The following DPYD variants were observed in gnomAD, a reference collection of about 807,000 sequenced individuals.
The protein encoded by DPYD is dihydropyrimidine dehydrogenase.
A neutral mutation model predicts 116.2 loss-of-function variants in DPYD; 109 were observed. That is an observed-to-expected ratio of 0.94 (90% CI 0.80 to 1.10). The LOEUF is 1.10. Ranked by LOEUF, DPYD falls within the 50% of genes least tolerant of loss-of-function variation. The probability of loss-of-function intolerance (pLI) is 0.00; values close to 1 mark genes in which losing one functional copy is unlikely to be tolerated. For synonymous variants in DPYD, 440 were observed against 432.0 expected (o/e 1.02, Z -0.23); for missense variants, 1,302 against 1,254.5 (o/e 1.04, Z -0.57).
chr1:97,515,863 C>A lies in DPYD; in HGVS notation c.1603G>T (p.Val535Leu). Residue 535 changes from valine (V) to leucine (L), a missense_variant, in exon 13 of 23, where the codon GTA becomes TTA. Coordinates refer to ENST00000370192, the MANE Select transcript of DPYD (RefSeq NM_000110.4). ...ATAAACTTCAATCCGGCCATTTCTA[C>A]ACTAATGTCCACCAGATCAATAGGA... ...YTPIDLVDIS[V>L]EMAGLKFINP... The A allele has an allele frequency of 6.2e-7, 1 of 1,612,898 alleles. No individual in the cohort carries two copies. Among genetic ancestry groups the A allele is most frequent in the Non-Finnish European group, 8.5e-7 (1 of 1,179,224 alleles).
intron 9 of DPYD, among the ~76,000 whole-genome samples, chr1:97,593,818 T>C (rs1363088757): frequency 1.3e-5 from 2 of 152,238 alleles, no homozygotes; most frequent in Admixed American, 6.5e-5. Context: ...TTACCTTATA[T>C]AATTTCTAAC....
chr1:97,901,709 T>C (rs1673378363), intron 1 of DPYD, among the ~76,000 whole-genome samples: 1 of 151,832 alleles, frequency 6.6e-6, no homozygotes, highest in Admixed American at 6.6e-5. Flanking sequence ...AAATGACATA[T>C]AAGCAGCAAC....
At chr1:97,793,032 A>G (rs1215702595) in intron 3 of DPYD, among the ~76,000 whole-genome samples, 2 of 152,218 alleles carry the variant, frequency 1.3e-5, no homozygotes, top group Admixed American at 1.3e-4. Flanking sequence ...ATGTATCAAT[A>G]CTGGTTCATT....
intron 20 of DPYD, among the ~76,000 whole-genome samples, chr1:97,100,122 A>G (rs1444824130): frequency 1.3e-5 from 2 of 152,050 alleles, no homozygotes; most frequent in Non-Finnish European, 2.9e-5. Context: ...GGATGGAGGG[A>G]GATAGTATTT....
At chr1:97,718,856 C>T (rs1340217574) in intron 5 of DPYD, among the ~76,000 whole-genome samples, 2 of 151,322 alleles carry the variant, frequency 1.3e-5, no homozygotes, top group South Asian at 2.1e-4. Context: ...AATAAATACA[C>T]AAATATTTTC....
intron 3 of DPYD, among the ~76,000 whole-genome samples, chr1:97,764,701 T>A (rs1043538926): frequency 2.6e-5 from 4 of 152,114 alleles, no homozygotes; most frequent in African/African-American, 9.6e-5. Context: ...TTAACAATAC[T>A]TTATTATGAT....
chr1:97,225,246 C>G (rs1661061602), intron 19 of DPYD, among the ~76,000 whole-genome samples: 1 of 151,988 alleles, frequency 6.6e-6, no homozygotes, highest in Non-Finnish European at 1.5e-5. Flanking sequence ...TCTTTACACC[C>G]TCATCAACAT....
chr1:97,781,125 C>T (rs531682974), intron 3 of DPYD, among the ~76,000 whole-genome samples: 42 of 152,270 alleles, frequency 2.8e-4, no homozygotes, highest in African/African-American at 9.4e-4. Flanking sequence ...AGCTACACTG[C>T]TATGGTTGGC....
chr1:97,818,009 G>A (rs1456249353), intron 3 of DPYD, among the ~76,000 whole-genome samples: 4 of 151,996 alleles, frequency 2.6e-5, no homozygotes, highest in African/African-American at 9.7e-5. Context: ...AACAAAAGCT[G>A]CATCCCTTCT....
intron 2 of DPYD, among the ~76,000 whole-genome samples, chr1:97,838,944 T>C (rs947763817): frequency 1.3e-5 from 2 of 152,190 alleles, no homozygotes; most frequent in Non-Finnish European, 2.9e-5. Context: ...ACAGGGCCAA[T>C]GCTAGAACAA....
In DPYD at chr1:97,653,801, A is replaced by G. The variant is rs545369617; in HGVS notation, c.850+25294T>C. Among the ~76,000 whole-genome samples the G allele has an allele frequency of 1.7e-3, 263 of 152,276 alleles. 1 individual carries two copies. Among genetic ancestry groups the G allele is most frequent in the African/African-American group, 6.0e-3 (250 of 41,552 alleles). On this transcript the variant is annotated intron_variant, in intron 8 of 22. Coordinates refer to ENST00000370192, the MANE Select transcript of DPYD (RefSeq NM_000110.4). ...AAGTGTTAAATGAGTAATAACGATA[A>G]AATTCTATCCTTCCAGACACACATA...
chr1:97,450,169 TG>T lies in DPYD; in HGVS notation c.1794del (p.Met599CysfsTer10). The stretch of plus-strand genomic sequence containing the variant: ...AAGGAGCTTTGTCCAGGGCCATACA[TG>T]GGGCCAGAGGTGGTTCCCCGGATGA... ...PRIIRGTTSGPMYGPGQSSFL... is the reference protein window; with the variant it reads ...PRIIRGTTSGXMYGPGQSSFL... On this transcript the variant is annotated frameshift_variant, in exon 14 of 23. Coordinates refer to ENST00000370192, the MANE Select transcript of DPYD (RefSeq NM_000110.4). LOFTEE classifies it high-confidence loss of function. 2 of 1,613,906 alleles carry T rather than the reference TG, an allele frequency of 1.2e-6. No individual in the cohort carries two copies. Among genetic ancestry groups the T allele is most frequent in the Non-Finnish European group, 1.7e-6 (2 of 1,179,870 alleles).
Position 97,609,587 on chromosome 1 carries a change from T to A in DPYD, c.851-14421A>T, listed in dbSNP as rs72732374. Among the ~76,000 whole-genome samples the A allele has an allele frequency of 3.3e-3, 499 of 151,892 alleles. 6 individuals carry two copies. The highest frequency in any genetic ancestry group is 0.011 in the African/African-American group (474 of 41,456). ...CTCATTTACAGATGACAAACTGAGG[T>A]TCAAGGCAGTAAAAAAAGCTTTCTA... On this transcript the variant is annotated intron_variant, in intron 8 of 22. Transcript: ENST00000370192.
chr1:97,244,778 T>C (rs1384142154), intron 18 of DPYD, among the ~76,000 whole-genome samples: 2 of 152,060 alleles, frequency 1.3e-5, no homozygotes, highest in Non-Finnish European at 2.9e-5. Context: ...ACTTTTACTT[T>C]AAAAATGGTG....
intron 22 of DPYD, among the ~76,000 whole-genome samples, chr1:97,081,792 T>G (rs955407439): frequency 3.3e-5 from 5 of 151,390 alleles, no homozygotes; most frequent in Admixed American, 1.3e-4. Context: ...TATGGCTCAC[T>G]TCATGAGGGA....
At chr1:97,624,571 C>T (rs993080480) in intron 8 of DPYD, among the ~76,000 whole-genome samples, 1 of 151,904 alleles carries the variant, frequency 6.6e-6, no homozygotes, top group Non-Finnish European at 1.5e-5. Context: ...CCTCGAAAAA[C>T]TGGAAATACA....
chr1:97,590,158 C>T (rs1174718742), intron 10 of DPYD, among the ~76,000 whole-genome samples: 1 of 152,166 alleles, frequency 6.6e-6, no homozygotes, highest in Non-Finnish European at 1.5e-5. Context: ...AGGATTAACA[C>T]TGAAACTTCT....
chr1:97,735,456 C>A (rs1663872551), intron 4 of DPYD, among the ~76,000 whole-genome samples: 1 of 150,058 alleles, frequency 6.7e-6, no homozygotes, highest in Non-Finnish European at 1.5e-5. Context: ...GCAGGCAGAT[C>A]ACGAGGTCAG....
rs934896394 is a variant in DPYD, at chr1:97,597,629, A to G, written c.851-2463T>C. On this transcript the variant is annotated intron_variant, in intron 8 of 22. Transcript: ENST00000370192. ...ACTTGACTTTAAGGAGATTGCCTCA[A>G]TAATGTGGGTGGGCCCTATCCAATC... Among the ~76,000 whole-genome samples the G allele has an allele frequency of 7.9e-5, 12 of 152,194 alleles. 1 individual carries two copies. The highest frequency in any genetic ancestry group is 6.5e-5 in the Admixed American group (1 of 15,286).
Sources: gnomAD v4.1 joint callset for allele counts (sites outside exome capture counted in the v4.1 genomes callset) on GRCh38, gnomAD v4.1.1 for gene constraint, MANE v1.5 for transcripts, NCBI Gene and HGNC (gene_info 2026-07-23, HGNC 2026-07-21) for gene names.